The following ROBO2 variants were observed in gnomAD, a reference collection of about 807,000 sequenced individuals.
ROBO2 encodes the protein roundabout guidance receptor 2, also known as roundabout homolog 2.
Under a neutral mutation model 160.8 loss-of-function variants are expected in ROBO2, and 53 were observed. The ratio of observed to expected loss-of-function variants is 0.33; its 90% CI spans 0.26 to 0.41. The LOEUF is 0.41. ROBO2 is among the 10% of genes least tolerant of loss of function. The probability of loss-of-function intolerance (pLI) is 1.00; values close to 1 mark genes in which losing one functional copy is unlikely to be tolerated. For missense variants in ROBO2, 1,577 were observed against 1,722.4 expected (o/e 0.92, Z 1.49); for synonymous variants, 664 against 611.7 (o/e 1.09, Z -1.26).
intron 2 of ROBO2, among the ~76,000 whole-genome samples, chr3:76,954,765 T>TA (rs1488955449): frequency 6.6e-6 from 1 of 152,190 alleles, no homozygotes; most frequent in African/African-American, 2.4e-5. Flanking sequence ...TCCAAGAAGG[T>TA]AGTGTTATCA....
Position 77,321,858 on chromosome 3 carries a change from G to A in ROBO2, c.389-155556G>A, listed in dbSNP as rs570032016. On this transcript the variant is annotated intron_variant, in intron 2 of 25. Transcript: ENST00000461745. ...ACTAAGAGAGTACACCAAGGACAAA[G>A]TGGCCCTTTGTTTGAGACGGATGAA... Among the ~76,000 whole-genome samples the A allele has an allele frequency of 2.6e-4, 39 of 152,268 alleles. 1 individual carries two copies. The South Asian group carries it at 7.9e-3, about 31-fold the overall frequency.
chr3:76,203,700 T>G (rs1204808076), intron 2 of ROBO2, among the ~76,000 whole-genome samples: 1 of 150,936 alleles, frequency 6.6e-6, no homozygotes, highest in Non-Finnish European at 1.5e-5. Flanking sequence ...GTAACCTGAG[T>G]GAGATTGCCT....
intron 2 of ROBO2, among the ~76,000 whole-genome samples, chr3:76,889,749 A>G (rs1481572301): frequency 6.6e-6 from 1 of 152,192 alleles, no homozygotes; most frequent in African/African-American, 2.4e-5. Context: ...ACATAGTGAT[A>G]ATTTTATAAG....
At chr3:76,220,282 C>G (rs1703873775) in intron 2 of ROBO2, among the ~76,000 whole-genome samples, 1 of 151,282 alleles carries the variant, frequency 6.6e-6, no homozygotes, top group African/African-American at 2.4e-5. Flanking sequence ...ACATATGTAA[C>G]AAGCCTGCAC....
At chr3:76,941,624 C>T (rs1385330485) in intron 2 of ROBO2, among the ~76,000 whole-genome samples, 1 of 152,176 alleles carries the variant, frequency 6.6e-6, no homozygotes, top group Admixed American at 6.5e-5. Flanking sequence ...TCTTATGCAG[C>T]TAACTTTTGA....
chr3:77,039,938 C>G (rs937623469), exon 1 of ROBO2: 1 of 221,174 alleles, frequency 4.5e-6, no homozygotes, highest in African/African-American at 2.3e-5. Flanking sequence ...CTTTCTCCGC[C>G]GCGCCCGGGC....
At chr3:77,565,639 G>A (rs188549219) in intron 12 of ROBO2, among the ~76,000 whole-genome samples, 6 of 152,086 alleles carry the variant, frequency 3.9e-5, no homozygotes, top group Admixed American at 3.9e-4. Flanking sequence ...CCCAGTGTTT[G>A]TTTTAACAAA....
intron 2 of ROBO2, among the ~76,000 whole-genome samples, chr3:76,113,679 A>G (rs2070340704): frequency 6.6e-6 from 1 of 152,144 alleles, no homozygotes; most frequent in African/African-American, 2.4e-5. Flanking sequence ...CCACTCTCAT[A>G]ATAAAGGATT....
chr3:75,998,949 AT>A (rs2065805075), intron 2 of ROBO2, among the ~76,000 whole-genome samples: 1 of 152,172 alleles, frequency 6.6e-6, no homozygotes. Flanking sequence ...CATTGTCTTC[AT>A]TTCTCCGCCC....
At chr3:77,368,633 A>G (rs1326235061) in intron 2 of ROBO2, among the ~76,000 whole-genome samples, 5 of 152,260 alleles carry the variant, frequency 3.3e-5, no homozygotes, top group Non-Finnish European at 5.9e-5. Flanking sequence ...CTTCAGGTGC[A>G]AACACATTTT....
intron 2 of ROBO2, among the ~76,000 whole-genome samples, chr3:76,544,498 T>C (rs1461847195): frequency 6.6e-6 from 1 of 152,120 alleles, no homozygotes; most frequent in Non-Finnish European, 1.5e-5. Flanking sequence ...TTTCTTTTTT[T>C]GGCTTTTTAA....
At chr3:75,956,660 C>G (rs536067215) in intron 2 of ROBO2, among the ~76,000 whole-genome samples, 1 of 151,772 alleles carries the variant, frequency 6.6e-6, no homozygotes, top group East Asian at 2.0e-4. Context: ...GTTAATATTG[C>G]TGGTATTGTA....
chr3:76,592,283 T>C (rs2086462630), intron 2 of ROBO2, among the ~76,000 whole-genome samples: 1 of 152,126 alleles, frequency 6.6e-6, no homozygotes, highest in South Asian at 2.1e-4. Context: ...AGATAATTTA[T>C]ACTTTTTAAC....
At chr3:76,712,331 T>C (rs1390592631) in intron 2 of ROBO2, among the ~76,000 whole-genome samples, 1 of 152,134 alleles carries the variant, frequency 6.6e-6, no homozygotes, top group African/African-American at 2.4e-5. Flanking sequence ...TTATCTTCTA[T>C]AGTGTTATGG....
chr3:77,167,370 AG>A (rs2079193289), intron 2 of ROBO2, among the ~76,000 whole-genome samples: 1 of 152,160 alleles, frequency 6.6e-6, no homozygotes, highest in East Asian at 1.9e-4. Context: ...TAGTATAAAA[AG>A]TCTTTGCAAT....
intron 2 of ROBO2, among the ~76,000 whole-genome samples, chr3:76,354,263 A>G (rs2075036628): frequency 6.6e-6 from 1 of 151,514 alleles, no homozygotes; most frequent in Non-Finnish European, 1.5e-5. Flanking sequence ...GTTCTTAGTA[A>G]GAAGAAAGTG....
intron 2 of ROBO2, among the ~76,000 whole-genome samples, chr3:77,292,459 T>C (rs1457523376): frequency 1.3e-5 from 2 of 150,582 alleles, no homozygotes; most frequent in East Asian, 2.0e-4. Flanking sequence ...TAAAGAAAAA[T>C]TGATGCTTAA....
intron 2 of ROBO2, among the ~76,000 whole-genome samples, chr3:77,199,842 G>T (rs1003543876): frequency 2.6e-5 from 4 of 151,048 alleles, no homozygotes; most frequent in African/African-American, 9.8e-5. Flanking sequence ...TGCCAAGGCT[G>T]GTCTTGAACT....
At chr3:76,371,100 A>G (rs906333612) in intron 2 of ROBO2, among the ~76,000 whole-genome samples, 2 of 151,896 alleles carry the variant, frequency 1.3e-5, no homozygotes, top group Non-Finnish European at 2.9e-5. Flanking sequence ...GAATCCAAGT[A>G]TGTGAGTGTG....
Sources: allele counts gnomAD v4.1 joint callset (sites outside exome capture counted in the v4.1 genomes callset), GRCh38; gene constraint gnomAD v4.1.1; transcripts MANE v1.5; gene names NCBI Gene and HGNC (gene_info 2026-07-23, HGNC 2026-07-21).